The following SLC17A5 variants were observed in gnomAD, a reference collection of about 807,000 sequenced individuals.
The protein encoded by SLC17A5 is solute carrier family 17 member 5.
In SLC17A5, 47 loss-of-function variants were observed where a neutral mutation model predicts 59.4. The observed-to-expected ratio is 0.79, with a 90% CI of 0.63 to 1.01. The LOEUF (loss-of-function observed/expected upper bound fraction) is 1.01, where lower values mean the gene tolerates loss of function less well. SLC17A5 is among the 50% of genes least tolerant of loss of function. The probability of loss-of-function intolerance (pLI) is 0.00; values close to 1 mark genes in which losing one functional copy is unlikely to be tolerated. For synonymous variants in SLC17A5, 202 were observed against 210.7 expected, an observed-to-expected ratio of 0.96 and a Z score of 0.36; for missense variants, 522 against 595.5, an observed-to-expected ratio of 0.88 and a Z score of 1.28.
At chr6:73,617,461 G>A (rs1341777600) in intron 7 of SLC17A5, among the ~76,000 whole-genome samples, 4 of 152,222 alleles carry the variant, frequency 2.6e-5, no homozygotes, top group Admixed American at 6.5e-5. Flanking sequence ...AATCAGATAA[G>A]TGAATTTTCT....
chr6:73,647,984 G>C (rs1236109573), intron 1 of SLC17A5, among the ~76,000 whole-genome samples: 4 of 152,078 alleles, frequency 2.6e-5, no homozygotes, highest in African/African-American at 4.8e-5. Flanking sequence ...CAGGAGACTC[G>C]CTTGAACCTG....
rs897162780 is a variant in SLC17A5, at chr6:73,595,169, T to C, written c.1396A>G (p.Ile466Val). 1.2e-5 allele frequency: 19 copies of C among 1,613,996 alleles called. No homozygotes were observed. The highest frequency in any genetic ancestry group is 1.4e-5 in the Non-Finnish European group (17 of 1,180,026). Residue 466 changes from isoleucine (I) to valine (V), a missense_variant, in exon 11 of 11, where the codon ATT (isoleucine) becomes GTT (valine). By Grantham distance (29) the Ile-to-Val change is conservative. Coordinates refer to ENST00000355773, the MANE Select transcript of SLC17A5 (RefSeq NM_012434.5). ...AAGAAAATGGCACCAAAAACATTAA[T>C]AGCAGCAGCAATATAGAACACGGTT... Reference protein sequence around the residue: ...WQTVFYIAAAINVFGAIFFTL... With the variant: ...WQTVFYIAAAVNVFGAIFFTL...
chr6:73,614,173 G>A (rs912858358), intron 8 of SLC17A5, among the ~76,000 whole-genome samples: 4 of 152,294 alleles, frequency 2.6e-5, no homozygotes, highest in African/African-American at 9.6e-5. Flanking sequence ...GGCTGAGGTG[G>A]GAGGATCACC....
chr6:73,621,000 A>ATTATTATT (rs35762085), intron 7 of SLC17A5, among the ~76,000 whole-genome samples: 2 of 150,298 alleles, frequency 1.3e-5, no homozygotes, highest in South Asian at 4.2e-4. Context: ...TGCTGGGATT[A>ATTATTATT]ATTATTATTA....
chr6:73,644,298 A>G (rs1769434338), intron 2 of SLC17A5, 109 bp downstream of exon 2: 1 of 861,676 alleles, frequency 1.2e-6, no homozygotes, highest in Non-Finnish European at 1.8e-6. Flanking sequence ...GATTCAGAGT[A>G]TACACAAACA....
intron 10 of SLC17A5, among the ~76,000 whole-genome samples, chr6:73,597,333 G>C (rs1020491750): frequency 2.0e-5 from 3 of 151,624 alleles, no homozygotes; most frequent in East Asian, 1.9e-4. Flanking sequence ...CAGGCGTGGT[G>C]GTGGGCACCT....
At chr6:73,635,120 G>C in intron 6 of SLC17A5, 1 of 214,738 alleles carries the variant, frequency 4.7e-6, no homozygotes, top group African/African-American at 2.3e-5. Flanking sequence ...TAAATGTTTT[G>C]TAGAGAAAGG....
At chr6:73,596,982 G>C (rs1474340763) in intron 10 of SLC17A5, among the ~76,000 whole-genome samples, 2 of 150,992 alleles carry the variant, frequency 1.3e-5, no homozygotes, top group African/African-American at 4.9e-5. Context: ...CCAACATGGC[G>C]AGACCCTGTC....
intron 8 of SLC17A5, among the ~76,000 whole-genome samples, chr6:73,614,451 C>T (rs1767765843): frequency 6.6e-6 from 1 of 152,088 alleles, no homozygotes; most frequent in African/African-American, 2.4e-5. Flanking sequence ...TTGGTCTCTG[C>T]CCCCGGTTTT....
At chr6:73,630,868 G>A (rs1186728336) in intron 6 of SLC17A5, among the ~76,000 whole-genome samples, 2 of 151,918 alleles carry the variant, frequency 1.3e-5, no homozygotes, top group African/African-American at 4.8e-5. Flanking sequence ...CCAACGTGGA[G>A]AAACCCCGTT....
rs759888890 is a variant in SLC17A5, at chr6:73,644,598, C to T, written c.100G>A (p.Val34Met). The change falls in exon 2 of 11, where the codon GTG becomes ATG. Residue 34 changes from valine (V) to methionine (M), a missense_variant. Val to Met is a conservative substitution (Grantham distance 21). Transcript: ENST00000355773. ...AAGTTGTAACGAGCAGAGCAGCACA[C>T]TGGAGCTGAAATAAAGATTGGGGAA... ...PGAPRAEAAP[V>M]CCSARYNLAI... is the part of the protein sequence containing the mutation. 9 of 1,612,890 alleles carry T rather than the reference C, an allele frequency of 5.6e-6. No individual in the cohort carries two copies. Among genetic ancestry groups the T allele is most frequent in the Non-Finnish European group, 5.9e-6 (7 of 1,179,536 alleles).
chr6:73,643,239 A>G (rs1336403159), intron 2 of SLC17A5, among the ~76,000 whole-genome samples: 2 of 151,132 alleles, frequency 1.3e-5, no homozygotes, highest in South Asian at 2.1e-4. Flanking sequence ...GGCTCACTGC[A>G]GGCTCCACCC....
chr6:73,612,307 A>C (rs1467976687), intron 8 of SLC17A5, among the ~76,000 whole-genome samples: 1 of 151,908 alleles, frequency 6.6e-6, no homozygotes, highest in African/African-American at 2.4e-5. Context: ...GGACAGCCAC[A>C]CACCACCACG....
chr6:73,625,941 C>T (rs928680985), intron 6 of SLC17A5, among the ~76,000 whole-genome samples: 2 of 152,148 alleles, frequency 1.3e-5, no homozygotes, highest in Non-Finnish European at 2.9e-5. Context: ...TGCCCTTATC[C>T]TTCTTGATTG....
At chr6:73,628,714 G>A (rs1468352583) in intron 6 of SLC17A5, among the ~76,000 whole-genome samples, 1 of 152,134 alleles carries the variant, frequency 6.6e-6, no homozygotes, top group Non-Finnish European at 1.5e-5. Context: ...AAAAATCAAT[G>A]AGATCCTGAA....
chr6:73,650,218 AAG>A (rs1740599434), intron 1 of SLC17A5, among the ~76,000 whole-genome samples: 1 of 148,872 alleles, frequency 6.7e-6, no homozygotes, highest in Non-Finnish European at 1.5e-5. Context: ...AAAAAAAAGA[AAG>A]AAAAAAAGGC....
intron 9 of SLC17A5, among the ~76,000 whole-genome samples, chr6:73,601,710 G>A (rs1767116016): frequency 8.8e-6 from 1 of 113,494 alleles, no homozygotes; most frequent in Non-Finnish European, 1.9e-5. Context: ...CCCCCGCCCG[G>A]CCAGCCGCCC....
rs182962523 is a variant in SLC17A5 at position 73,620,729 on chromosome 6, T to C, written c.978+1075A>G. On this transcript the variant is annotated intron_variant, in intron 7 of 10. Transcript: ENST00000355773. ...GCAGTCAGCCTTGTTAGCATTTTTT[T>C]TTTTTTTCCTGGGACAGAGTCTTGT... 8.1e-4 allele frequency among the ~76,000 whole-genome samples: 124 copies of C among 152,154 alleles called. 1 individual carries two copies. The highest frequency in any genetic ancestry group is 6.9e-3 in the Admixed American group (105 of 15,268).
In SLC17A5 at chr6:73,647,319, C is replaced by T. The variant is rs1157298349; in HGVS notation, c.95-2716G>A. 2.0e-5 allele frequency among the ~76,000 whole-genome samples: 3 copies of T among 152,186 alleles called. No individual in the cohort carries two copies. In the East Asian group the frequency reaches 5.8e-4, roughly 29 times the overall value. ...GTCAGGGAGATCACTTAAAGGACTA[C>T]TGTAGCTTTCCAGCTAAGAGATGAA... On this transcript the variant is annotated intron_variant, in intron 1 of 10. Transcript: ENST00000355773.
Sources: gnomAD v4.1 joint callset for allele counts (sites outside exome capture counted in the v4.1 genomes callset) on GRCh38, gnomAD v4.1.1 for gene constraint, MANE v1.5 for transcripts, NCBI Gene and HGNC (gene_info 2026-07-23, HGNC 2026-07-21) for gene names.